HECW1: variants seen among roughly 807,000 people sequenced by gnomAD.
HECW1 encodes the protein HECT, C2 and WW domain containing E3 ubiquitin protein ligase 1, also known as E3 ubiquitin-protein ligase HECW1.
Under a neutral mutation model 182.3 loss-of-function variants are expected in HECW1, and 61 were observed. That is an observed-to-expected ratio of 0.33 (90% CI 0.27 to 0.41). The LOEUF is 0.41. Ranked by LOEUF, HECW1 falls within the 10% of genes least tolerant of loss-of-function variation. The probability of loss-of-function intolerance (pLI) is 1.00; values close to 1 mark genes in which losing one functional copy is unlikely to be tolerated. For synonymous variants in HECW1, 859 were observed against 832.6 expected (o/e 1.03, Z -0.55); for missense variants, 1,739 against 2,108.9 (o/e 0.82, Z 3.44).
chr7:43,218,743 A>G (rs892011843), intron 2 of HECW1, among the ~76,000 whole-genome samples: 1 of 152,220 alleles, frequency 6.6e-6, no homozygotes, highest in African/African-American at 2.4e-5. Context: ...AATTTGGAGC[A>G]AGTCCCCAGC....
At chr7:43,180,619 C>T (rs1234851191) in intron 2 of HECW1, among the ~76,000 whole-genome samples, 1 of 152,066 alleles carries the variant, frequency 6.6e-6, no homozygotes, top group Non-Finnish European at 1.5e-5. Flanking sequence ...ATGGTCTCGA[C>T]CTCCTGACCT....
At chr7:43,173,737 G>A (rs1791922878) in intron 2 of HECW1, among the ~76,000 whole-genome samples, 1 of 152,184 alleles carries the variant, frequency 6.6e-6, no homozygotes, top group South Asian at 2.1e-4. Context: ...GTTCCAAACA[G>A]GCCAAGGACC....
chr7:43,228,494 G>A (rs1217817616), intron 2 of HECW1, among the ~76,000 whole-genome samples: 5 of 152,208 alleles, frequency 3.3e-5, no homozygotes, highest in Non-Finnish European at 5.9e-5. Flanking sequence ...ACCGTCAGGA[G>A]GTGCAAAGAA....
intron 17 of HECW1, among the ~76,000 whole-genome samples, chr7:43,488,474 A>AAGAAAGAAAGAAAGAAAG (rs2078791981): frequency 6.8e-6 from 1 of 147,048 alleles, no homozygotes; most frequent in East Asian, 2.0e-4. Context: ...GAAAGAAAGA[A>AAGAAAGAAAGAAAGAAAG]AGAAAGAAAG....
chr7:43,380,872 T>G (rs903803873), intron 6 of HECW1, among the ~76,000 whole-genome samples: 3 of 152,164 alleles, frequency 2.0e-5, no homozygotes, highest in Non-Finnish European at 4.4e-5. Flanking sequence ...GGTGAAATTA[T>G]TAGGTCATGG....
chr7:43,182,456 T>G (rs1355249858), intron 2 of HECW1, among the ~76,000 whole-genome samples: 2 of 152,226 alleles, frequency 1.3e-5, no homozygotes, highest in Admixed American at 6.5e-5. Flanking sequence ...GAAAAATCAG[T>G]TGGCTGTAGA....
At chr7:43,406,569 ATAAATG>A (rs1320210505) in intron 7 of HECW1, among the ~76,000 whole-genome samples, 1 of 152,194 alleles carries the variant, frequency 6.6e-6, no homozygotes, top group Admixed American at 6.5e-5. Flanking sequence ...TCACTTGTGT[ATAAATG>A]TAAATAATTT....
intron 2 of HECW1, among the ~76,000 whole-genome samples, chr7:43,237,180 G>T (rs971555409): frequency 5.6e-5 from 8 of 143,260 alleles, no homozygotes; most frequent in East Asian, 3.9e-4. Context: ...TAGGTAGGTA[G>T]GTAGGTAGGT....
intron 24 of HECW1, among the ~76,000 whole-genome samples, chr7:43,525,586 C>T (rs2080725550): frequency 1.3e-5 from 2 of 152,164 alleles, no homozygotes; most frequent in South Asian, 4.1e-4. Context: ...GAAAAAAGTA[C>T]TGCAAATGGC....
chr7:43,466,614 C>T lies in HECW1; in HGVS notation c.2913+46C>T, dbSNP rs375121201. On this transcript the variant is annotated intron_variant, in intron 15 of 29. Coordinates refer to ENST00000395891, the MANE Select transcript of HECW1 (RefSeq NM_015052.5). ...AGGGGGCGGCCTGGCTCGGCAAGACCCAAAACACAGCTTTGTAAAGTCATC... is the reference window on the plus strand; with the variant it reads ...AGGGGGCGGCCTGGCTCGGCAAGACTCAAAACACAGCTTTGTAAAGTCATC... 198 of 1,591,390 alleles carry T rather than the reference C, an allele frequency of 1.2e-4. 1 individual carries two copies. The Middle Eastern group carries it at 1.5e-3, about 12-fold the overall frequency.
At chr7:43,276,950 G>A (rs1803233987) in intron 3 of HECW1, among the ~76,000 whole-genome samples, 1 of 152,136 alleles carries the variant, frequency 6.6e-6, no homozygotes, top group South Asian at 2.1e-4. Context: ...ATCCCACTTC[G>A]CCAGATTATA....
intron 6 of HECW1, among the ~76,000 whole-genome samples, chr7:43,373,948 A>G (rs1249722139): frequency 2.0e-5 from 3 of 152,198 alleles, no homozygotes; most frequent in African/African-American, 7.2e-5. Context: ...AGGTTCAACC[A>G]TGTTGCCGCG....
At chr7:43,468,179 A>C (rs2077866972) in intron 15 of HECW1, among the ~76,000 whole-genome samples, 1 of 151,826 alleles carries the variant, frequency 6.6e-6, no homozygotes, top group Non-Finnish European at 1.5e-5. Context: ...ACCCCCCTAC[A>C]CATACACACA....
intron 3 of HECW1, among the ~76,000 whole-genome samples, chr7:43,293,219 C>CA (rs34748611): frequency 0.084 from 6,423 of 76,206 alleles, 429 homozygotes; most frequent in African/African-American, 0.13. Context: ...GACTATGTCT[C>CA]AAAAAAAAAA....
chr7:43,408,078 T>G (rs377623989), intron 8 of HECW1, among the ~76,000 whole-genome samples: 1 of 152,170 alleles, frequency 6.6e-6, no homozygotes, highest in Non-Finnish European at 1.5e-5. Flanking sequence ...GCTCTTCCCA[T>G]GCATGTGATC....
intron 3 of HECW1, among the ~76,000 whole-genome samples, chr7:43,285,874 T>C (rs1804576993): frequency 6.6e-6 from 1 of 152,202 alleles, no homozygotes; most frequent in South Asian, 2.1e-4. Context: ...GCAAGCTAAC[T>C]CTTTTTAATC....
intron 5 of HECW1, among the ~76,000 whole-genome samples, chr7:43,341,307 T>TATAA (rs61727601): frequency 0.042 from 6,312 of 148,608 alleles, 165 homozygotes; most frequent in Middle Eastern, 0.08. Context: ...CTTACAGTAT[T>TATAA]ATAAATAAAT....
intron 5 of HECW1, among the ~76,000 whole-genome samples, chr7:43,347,248 T>A (rs117961191): frequency 0.2 from 28,093 of 142,204 alleles, 3,446 homozygotes; most frequent in Non-Finnish European, 0.28. Flanking sequence ...TTAAATTTTT[T>A]AAAATTTAAT....
chr7:43,121,276 GATAAAAA>G (rs1785583497), intron 2 of HECW1, among the ~76,000 whole-genome samples: 1 of 152,138 alleles, frequency 6.6e-6, no homozygotes, highest in African/African-American at 2.4e-5. Flanking sequence ...GCCAGGACTT[GATAAAAA>G]CTGTTCTTTG....
Sources: gnomAD v4.1 joint callset for allele counts (sites outside exome capture counted in the v4.1 genomes callset) on GRCh38, gnomAD v4.1.1 for gene constraint, MANE v1.5 for transcripts, NCBI Gene and HGNC (gene_info 2026-07-23, HGNC 2026-07-21) for gene names.